The following TGFBI variants were observed in gnomAD, a reference collection of about 807,000 sequenced individuals.
TGFBI encodes transforming growth factor-beta-induced protein ig-h3.
In TGFBI, 50 loss-of-function variants were observed where a neutral mutation model predicts 73.7. The observed-to-expected ratio is 0.68, with a 90% CI of 0.54 to 0.86. The LOEUF (loss-of-function observed/expected upper bound fraction) is 0.86, where lower values mean the gene tolerates loss of function less well. Among genes scored for constraint, TGFBI ranks in the 40% least tolerant of loss-of-function variants. TGFBI has a pLI of 0.00. For synonymous variants in TGFBI, 362 were observed against 360.5 expected (o/e 1.00, Z -0.05); for missense variants, 839 against 877.0 (o/e 0.96, Z 0.55).
At chr5:136,056,631 T>A (rs1256046363) in intron 11 of TGFBI, 34 bp from the exon 12 acceptor site, 1 of 1,613,404 alleles carries the variant, frequency 6.2e-7, no homozygotes, top group East Asian at 2.2e-5. Flanking sequence ...AAATACCTGT[T>A]GACAGGTGAC....
intron 7 of TGFBI, chr5:136,049,825 G>A: frequency 2.2e-6 from 1 of 451,690 alleles, no homozygotes; most frequent in Non-Finnish European, 4.0e-6. Context: ...CTGAAGAGAG[G>A]CATAGCTGGA....
chr5:136,047,352 G>T lies in TGFBI; in HGVS notation c.703G>T (p.Val235Phe). 2 of 1,613,778 alleles carry T rather than the reference G, an allele frequency of 1.2e-6. No individual in the cohort carries two copies. The highest frequency in any genetic ancestry group is 1.7e-6 in the Non-Finnish European group (2 of 1,179,850). Residue 235 changes from valine (V) to phenylalanine (F), a missense_variant, in exon 6 of 17, where the codon GTC (valine) becomes TTC (phenylalanine). Val to Phe is a conservative substitution (Grantham distance 50, BLOSUM62 -1). Coordinates refer to ENST00000442011, the MANE Select transcript of TGFBI (RefSeq NM_000358.3). ...CGGGGTGGTGCACCTCATCGATAAG[G>T]TCATCTCCACCATCACCAACAACAT... ...TNGVVHLIDK[V>F]ISTITNNIQQ...
chr5:136,032,868 T>C (rs1751147194), intron 1 of TGFBI, among the ~76,000 whole-genome samples: 1 of 152,112 alleles, frequency 6.6e-6, no homozygotes, highest in African/African-American at 2.4e-5. Flanking sequence ...GAAAAAAACA[T>C]GCAAAACCAA....
chr5:136,061,340 C>G, intron 14 of TGFBI, 160 bp from the exon 15 acceptor site: 1 of 648,674 alleles, frequency 1.5e-6, no homozygotes, highest in Admixed American at 2.3e-5. Context: ...GCTCTCTCCC[C>G]ATGGGCCAAG....
intron 2 of TGFBI, among the ~76,000 whole-genome samples, chr5:136,035,226 A>G (rs1322591507): frequency 6.6e-6 from 1 of 152,226 alleles, no homozygotes; most frequent in African/African-American, 2.4e-5. Flanking sequence ...CACTGCCAAG[A>G]TTCAGCTAAC....
Position 136,058,449 on chromosome 5 carries a change from C to T in TGFBI, c.1679-641C>T, listed in dbSNP as rs112498293. 3.0e-4 allele frequency among the ~76,000 whole-genome samples: 45 copies of T among 152,250 alleles called. 1 individual carries two copies. The highest frequency in any genetic ancestry group is 9.9e-4 in the African/African-American group (41 of 41,548). ...TTTATGGGCAACCAGATGCCTGCCC[C>T]AGTTGCTGGAGACACTGATGTGGGC... On this transcript the variant is annotated intron_variant, in intron 12 of 16. Transcript: ENST00000442011.
Position 136,063,569 on chromosome 5 carries a change from A to G in TGFBI, c.*343A>G, listed in dbSNP as rs535677136. 5.2e-4 allele frequency: 140 copies of G among 268,690 alleles called. No homozygotes were observed. The highest frequency in any genetic ancestry group is 2.9e-3 in the African/African-American group (133 of 45,752). The allele number at this position is 268,690 out of a possible 1,614,324, so 16.6% of individuals were successfully genotyped here. A position where few individuals can be genotyped will look rare whatever the true frequency, so the allele number is the denominator to read the frequency against. On this transcript the variant is annotated 3_prime_UTR_variant, in exon 17 of 17. Transcript: ENST00000442011. ...TTCAGTATTGTGGGGCTCATAAAACATGAATCAAGCAATCCAGCCTCATGG... is the reference window on the plus strand; with the variant it reads ...TTCAGTATTGTGGGGCTCATAAAACGTGAATCAAGCAATCCAGCCTCATGG...
At chr5:136,055,878 G>A in intron 11 of TGFBI, 62 bp downstream of exon 11, 1 of 1,511,310 alleles carries the variant, frequency 6.6e-7, no homozygotes, top group Non-Finnish European at 8.9e-7. Context: ...TGGGATGTGG[G>A]GCCCCAGCTA....
chr5:136,043,544 G>A (rs1221542792), intron 2 of TGFBI, among the ~76,000 whole-genome samples: 1 of 152,168 alleles, frequency 6.6e-6, no homozygotes, highest in Non-Finnish European at 1.5e-5. Flanking sequence ...AGAAAATCAT[G>A]AGAGATTTAA....
chr5:136,060,975 T>A, intron 14 of TGFBI, 39 bp downstream of exon 14: 1 of 1,450,524 alleles, frequency 6.9e-7, no homozygotes, highest in Non-Finnish European at 9.4e-7. Context: ...AGCCAGTCCT[T>A]TTCTTCATGT....
chr5:136,046,756 A>T, intron 4 of TGFBI, 95 bp from the exon 5 acceptor site: 1 of 1,455,172 alleles, frequency 6.9e-7, no homozygotes, highest in Non-Finnish European at 9.2e-7. Flanking sequence ...GCCTGGGCTC[A>T]CGAGGGCTGA....
intron 2 of TGFBI, among the ~76,000 whole-genome samples, chr5:136,039,859 G>A (rs1751298577): frequency 6.6e-6 from 1 of 152,156 alleles, no homozygotes; most frequent in Non-Finnish European, 1.5e-5. Flanking sequence ...AGACCAGGAG[G>A]GCAGAAAGCA....
At chr5:136,054,539 CT>C in intron 9 of TGFBI, 176 bp from the exon 10 acceptor site, 1 of 938,780 alleles carries the variant, frequency 1.1e-6, no homozygotes, top group Non-Finnish European at 1.7e-6. Flanking sequence ...TCTGGATCTT[CT>C]TTAATTCTCC....
chr5:136,038,071 T>C (rs1408475116), intron 2 of TGFBI, among the ~76,000 whole-genome samples: 1 of 152,174 alleles, frequency 6.6e-6, no homozygotes, highest in African/African-American at 2.4e-5. Context: ...TAATCTGCTC[T>C]GGGGGCACTG....
Position 136,063,462 on chromosome 5 carries a change from T to C in TGFBI, c.*236T>C. ...CCCACTGCATGCAGAAACTTGGATG[T>C]CACTGCCTGACATTCACTTCCAGAG... On this transcript the variant is annotated 3_prime_UTR_variant, in exon 17 of 17. Coordinates refer to ENST00000442011, the MANE Select transcript of TGFBI (RefSeq NM_000358.3). 1.9e-6 allele frequency: 1 copy of C among 513,802 alleles called. No homozygotes were observed. The highest frequency in any genetic ancestry group is 3.5e-6 in the Non-Finnish European group (1 of 286,058). The allele number at this position is 513,802 out of a possible 1,614,324, so 31.8% of individuals were successfully genotyped here. A position where few individuals can be genotyped will look rare whatever the true frequency, so the allele number is the denominator to read the frequency against.
chr5:136,049,235 A>T (rs45590944), intron 6 of TGFBI: 1 of 567,372 alleles, frequency 1.8e-6, no homozygotes, highest in East Asian at 2.9e-5. Context: ...GACATGAAAG[A>T]TGGCCAGGCT....
rs1751787580 is a variant in TGFBI at position 136,063,614 on chromosome 5, T to G, written c.*388T>G. Reference sequence around the variant, plus strand: ...TCATGGGAAGTCCTGGCACAGTTTTTGTAAAGCCCTTGCACAGCTGGAGAA... The same window carrying G: ...TCATGGGAAGTCCTGGCACAGTTTTGGTAAAGCCCTTGCACAGCTGGAGAA... On this transcript the variant is annotated 3_prime_UTR_variant, in exon 17 of 17. Transcript: ENST00000442011. 4.7e-6 allele frequency: 1 copy of G among 213,492 alleles called. No homozygotes were observed. The highest frequency in any genetic ancestry group is 9.8e-5 in the South Asian group (1 of 10,188). 13.2% of individuals were successfully genotyped at this position (213,492 alleles called of 1,614,324 possible).
chr5:136,029,301 C>T, intron 1 of TGFBI, 112 bp downstream of exon 1: 1 of 1,256,338 alleles, frequency 8.0e-7, no homozygotes, highest in South Asian at 1.8e-5. Context: ...AAAGCCCGAA[C>T]TAAAAACCTT....
chr5:136,044,247 C>G (rs1168882752), intron 3 of TGFBI, 125 bp downstream of exon 3: 2 of 785,122 alleles, frequency 2.5e-6, no homozygotes, highest in African/African-American at 1.8e-5. Flanking sequence ...TGGCATTCTC[C>G]CCACGTGCCC....
Sources: allele counts gnomAD v4.1 joint callset (sites outside exome capture counted in the v4.1 genomes callset), GRCh38; gene constraint gnomAD v4.1.1; transcripts MANE v1.5; gene names NCBI Gene and HGNC (gene_info 2026-07-23, HGNC 2026-07-21).